The following DPP10 variants were observed in gnomAD, a reference collection of about 807,000 sequenced individuals.
DPP10 encodes the protein dipeptidyl peptidase like 10.
Under a neutral mutation model 120.9 loss-of-function variants are expected in DPP10, and 33 were observed. The observed-to-expected ratio is 0.27, with a 90% CI of 0.21 to 0.37. The LOEUF is 0.37. DPP10 is among the 10% of genes least tolerant of loss of function. The probability of loss-of-function intolerance (pLI) is 1.00; values close to 1 mark genes in which losing one functional copy is unlikely to be tolerated. For synonymous variants in DPP10, 337 were observed against 326.1 expected, an observed-to-expected ratio of 1.03 and a Z score of -0.36; for missense variants, 816 against 942.8, an observed-to-expected ratio of 0.87 and a Z score of 1.76.
chr2:115,291,064 T>C (rs1325027999), intron 1 of DPP10, among the ~76,000 whole-genome samples: 1 of 152,042 alleles, frequency 6.6e-6, no homozygotes, highest in African/African-American at 2.4e-5. Flanking sequence ...AGTGCAATAG[T>C]GTGATCACAG....
At chr2:115,802,940 A>G (rs1207973930) in intron 19 of DPP10, among the ~76,000 whole-genome samples, 1 of 152,186 alleles carries the variant, frequency 6.6e-6, no homozygotes, top group Non-Finnish European at 1.5e-5. Flanking sequence ...GTAGATGTCT[A>G]TTAGGTCTGC....
At chr2:115,466,167 T>A in intron 3 of DPP10, among the ~76,000 whole-genome samples, 1 of 152,092 alleles carries the variant, frequency 6.6e-6, no homozygotes, top group East Asian at 1.9e-4. Context: ...CTTTAGAAAC[T>A]TATGTGGAAA....
intron 1 of DPP10, among the ~76,000 whole-genome samples, chr2:115,181,316 T>C (rs1405187715): frequency 6.6e-6 from 1 of 152,210 alleles, no homozygotes; most frequent in African/African-American, 2.4e-5. Context: ...ACTCCCTTAT[T>C]CGGTGGCTTA....
intron 3 of DPP10, among the ~76,000 whole-genome samples, chr2:115,488,789 A>C (rs1450336495): frequency 7.6e-6 from 1 of 132,234 alleles, no homozygotes; most frequent in Non-Finnish European, 1.6e-5. Context: ...TAGATGACAC[A>C]TTAGTGGGTG....
chr2:115,753,793 A>T (rs1679058983), intron 11 of DPP10, among the ~76,000 whole-genome samples: 2 of 152,314 alleles, frequency 1.3e-5, no homozygotes, highest in South Asian at 4.1e-4. Flanking sequence ...TTATATTTCA[A>T]TTCTTAATAC....
intron 3 of DPP10, among the ~76,000 whole-genome samples, chr2:115,385,275 G>A (rs1232837674): frequency 6.6e-6 from 1 of 152,216 alleles, no homozygotes; most frequent in African/African-American, 2.4e-5. Flanking sequence ...TGAATCTGAA[G>A]AGAGGCCTCA....
intron 1 of DPP10, among the ~76,000 whole-genome samples, chr2:115,000,140 T>TC (rs565633499): frequency 6.6e-6 from 1 of 152,112 alleles, no homozygotes; most frequent in African/African-American, 2.4e-5. Flanking sequence ...GGGTTTTTTT[T>TC]CTCCATCTTT....
At chr2:114,790,227 G>A (rs1683123658) in intron 1 of DPP10, among the ~76,000 whole-genome samples, 1 of 152,130 alleles carries the variant, frequency 6.6e-6, no homozygotes. Context: ...GCCATGGTGT[G>A]GAATTCCTGA....
chr2:115,795,670 G>A (rs145884649), intron 19 of DPP10, among the ~76,000 whole-genome samples: 217 of 152,176 alleles, frequency 1.4e-3, no homozygotes, highest in African/African-American at 4.9e-3. Context: ...CAAACAGCAT[G>A]ATATAAGTAA....
intron 1 of DPP10, among the ~76,000 whole-genome samples, chr2:115,227,436 T>C (rs1392398990): frequency 2.6e-5 from 4 of 152,192 alleles, no homozygotes; most frequent in Non-Finnish European, 5.9e-5. Context: ...GTCAACTTCA[T>C]TGAAATGTAA....
intron 1 of DPP10, among the ~76,000 whole-genome samples, chr2:114,547,515 AT>A (rs1687517077): frequency 6.6e-6 from 1 of 152,080 alleles, no homozygotes. Context: ...GGCATCACAA[AT>A]TTTGTAGCTG....
At chr2:115,343,717 G>C in intron 2 of DPP10, 100 bp from the exon 3 acceptor site, 1 of 708,684 alleles carries the variant, frequency 1.4e-6, no homozygotes, top group Non-Finnish European at 2.3e-6. Context: ...TTGTTATGTA[G>C]TTAATATATT....
chr2:115,416,283 C>T (rs58655310), intron 3 of DPP10, among the ~76,000 whole-genome samples: 2,016 of 152,170 alleles, frequency 0.013, 42 homozygotes, highest in African/African-American at 0.044. Flanking sequence ...TATTGGTTTC[C>T]TGGTGTGACA....
intron 1 of DPP10, among the ~76,000 whole-genome samples, chr2:114,742,627 C>A (rs1678175534): frequency 6.6e-6 from 1 of 152,182 alleles, no homozygotes; most frequent in African/African-American, 2.4e-5. Flanking sequence ...ATCTTTTGCA[C>A]CTTGTTTCTA....
At chr2:115,133,283 G>A (rs1850262) in intron 1 of DPP10, among the ~76,000 whole-genome samples, 10,894 of 147,914 alleles carry the variant, frequency 0.074, 768 homozygotes, top group East Asian at 0.3. Flanking sequence ...GGTGACAAGA[G>A]CAAAACTCCG....
At chr2:115,723,015 C>G (rs2149617095) in intron 7 of DPP10, among the ~76,000 whole-genome samples, 1 of 152,280 alleles carries the variant, frequency 6.6e-6, no homozygotes, top group East Asian at 1.9e-4. Flanking sequence ...GGCTGGTGTG[C>G]CAGAGCCACT....
chr2:115,832,087 A>AT (rs1401919196), intron 21 of DPP10, among the ~76,000 whole-genome samples: 1 of 152,156 alleles, frequency 6.6e-6, no homozygotes, highest in Non-Finnish European at 1.5e-5. Flanking sequence ...CTTATATCTT[A>AT]TTTTTGCCCT....
At chr2:115,091,864 T>C (rs1017358411) in intron 1 of DPP10, among the ~76,000 whole-genome samples, 23 of 152,310 alleles carry the variant, frequency 1.5e-4, no homozygotes, top group Middle Eastern at 3.4e-3. Flanking sequence ...GATTACATCT[T>C]GTTAGAAATG....
At chr2:114,749,650 G>A (rs1391889039) in intron 1 of DPP10, among the ~76,000 whole-genome samples, 7 of 149,336 alleles carry the variant, frequency 4.7e-5, no homozygotes, top group South Asian at 2.1e-4. Flanking sequence ...GCAGCGGCAC[G>A]ATCTTGGTTC....
Sources: allele counts gnomAD v4.1 joint callset (sites outside exome capture counted in the v4.1 genomes callset), GRCh38; gene constraint gnomAD v4.1.1; transcripts MANE v1.5; gene names NCBI Gene and HGNC (gene_info 2026-07-23, HGNC 2026-07-21).